Variants in SCN3A observed in about 807,000 individuals in gnomAD.
SCN3A encodes the protein sodium channel protein type 3 subunit alpha.
A neutral mutation model predicts 187.6 loss-of-function variants in SCN3A; 60 were observed. The observed-to-expected ratio is 0.32, with a 90% CI of 0.26 to 0.40. SCN3A has a LOEUF of 0.40. Ranked by LOEUF, SCN3A falls within the 10% of genes least tolerant of loss-of-function variation. The pLI, the probability that SCN3A is intolerant of heterozygous loss-of-function variation, is 1.00. For missense variants in SCN3A, 1,601 were observed against 2,428.2 expected (o/e 0.66, Z 7.16); for synonymous variants, 788 against 829.2 (o/e 0.95, Z 0.85).
intron 10 of SCN3A, among the ~76,000 whole-genome samples, chr2:165,155,364 CT>C (rs1688954065): frequency 6.6e-6 from 1 of 151,928 alleles, no homozygotes; most frequent in African/African-American, 2.4e-5. Context: ...CCTTCTCTCC[CT>C]TTCCCTTTCC....
At chr2:165,194,295 C>T (rs928715223) in intron 1 of SCN3A, among the ~76,000 whole-genome samples, 1 of 152,076 alleles carries the variant, frequency 6.6e-6, no homozygotes, top group South Asian at 2.1e-4. Context: ...TGTAGTACCT[C>T]TTTTATCACT....
intron 15 of SCN3A, among the ~76,000 whole-genome samples, chr2:165,132,873 A>G (rs1251829581): frequency 6.6e-6 from 1 of 152,210 alleles, no homozygotes; most frequent in Non-Finnish European, 1.5e-5. Context: ...AATTTTCGCA[A>G]CCTACTCATC....
intron 1 of SCN3A, among the ~76,000 whole-genome samples, chr2:165,201,305 C>T (rs1168452683): frequency 6.6e-6 from 1 of 152,016 alleles, no homozygotes; most frequent in African/African-American, 2.4e-5. Flanking sequence ...TCAGCAAGGG[C>T]ATCCTTCCAG....
chr2:165,156,030 G>A, intron 9 of SCN3A, 127 bp from the exon 10 acceptor site: 1 of 1,153,094 alleles, frequency 8.7e-7, no homozygotes, highest in East Asian at 2.4e-5. Flanking sequence ...TTAATTTCCA[G>A]AACACTTTAG....
chr2:165,191,412 C>A (rs1437891269), intron 1 of SCN3A, among the ~76,000 whole-genome samples: 1 of 152,112 alleles, frequency 6.6e-6, no homozygotes, highest in Admixed American at 6.6e-5. Context: ...TTACAATTGC[C>A]TAAAAGGCCT....
chr2:165,147,316 C>T (rs1688418728), intron 11 of SCN3A, among the ~76,000 whole-genome samples: 1 of 149,448 alleles, frequency 6.7e-6, no homozygotes, highest in Admixed American at 6.7e-5. Context: ...CTGTTCTCTT[C>T]AAAGTGTCTT....
In SCN3A at chr2:165,092,246, G is replaced by A; in HGVS notation, c.4807+8C>T. 6.2e-7 allele frequency: 1 copy of A among 1,613,462 alleles called. No individual in the cohort carries two copies. The highest frequency in any genetic ancestry group is 1.3e-5 in the African/African-American group (1 of 75,006). On this transcript the variant is annotated splice_region_variant and intron_variant, in intron 27 of 27. Coordinates refer to ENST00000283254, the MANE Select transcript of SCN3A (RefSeq NM_006922.4). This position sits in a 1 kb window ranked among gnomAD's most constrained non-coding sequence, Gnocchi z 4.2. ...AACTATACCTCTTGGTAATTAAGCT[G>A]TTCTTACCTACAATGGAGAGAATCA...
chr2:165,185,830 C>A (rs1691194006), intron 2 of SCN3A, among the ~76,000 whole-genome samples: 2 of 152,146 alleles, frequency 1.3e-5, no homozygotes, highest in Admixed American at 1.3e-4. Flanking sequence ...CAAGTACTCA[C>A]CACATATTTG....
chr2:165,130,303 T>C lies in SCN3A; in HGVS notation c.2566-7A>G, dbSNP rs1687234596. The C allele has an allele frequency of 6.2e-7, 1 of 1,613,558 alleles. No individual in the cohort carries two copies. Among genetic ancestry groups the C allele is most frequent in the Non-Finnish European group, 8.5e-7 (1 of 1,179,474 alleles). ...CCAACTTGAAAACTCTAAGCTGTAA[T>C]CAAGTGAAAAGATGCTGTTAGTAGT... is the stretch of plus-strand genomic sequence containing the variant. On this transcript the variant is annotated splice_polypyrimidine_tract_variant and splice_region_variant and intron_variant, in intron 16 of 27. Coordinates refer to ENST00000283254, the MANE Select transcript of SCN3A (RefSeq NM_006922.4).
intron 18 of SCN3A, among the ~76,000 whole-genome samples, chr2:165,126,047 T>C (rs1244764665): frequency 2.0e-5 from 3 of 152,210 alleles, no homozygotes; most frequent in African/African-American, 7.2e-5. Context: ...AGTTGTAAGA[T>C]TGTCAGCTAC....
intron 7 of SCN3A, among the ~76,000 whole-genome samples, chr2:165,163,370 G>A (rs1029497270): frequency 4.6e-5 from 7 of 152,174 alleles, no homozygotes; most frequent in African/African-American, 1.4e-4. Flanking sequence ...GAGAGAGAGC[G>A]CAAGAGGCCC....
chr2:165,125,882 G>A (rs973652859), intron 18 of SCN3A, among the ~76,000 whole-genome samples: 21 of 152,112 alleles, frequency 1.4e-4, no homozygotes, highest in African/African-American at 4.8e-4. Flanking sequence ...ATAAATTAGA[G>A]TTGAACTCAC....
At chr2:165,108,374 T>TA (rs1029471165) in intron 21 of SCN3A, among the ~76,000 whole-genome samples, 1 of 152,010 alleles carries the variant, frequency 6.6e-6, no homozygotes, top group Non-Finnish European at 1.5e-5. Flanking sequence ...TATGGTGGTT[T>TA]TGTTCACCTC....
At chr2:165,111,189 A>G (rs1310026806) in intron 21 of SCN3A, among the ~76,000 whole-genome samples, 4 of 152,054 alleles carry the variant, frequency 2.6e-5, no homozygotes, top group Non-Finnish European at 4.4e-5. Flanking sequence ...ACAAAAAATT[A>G]GCCAGGCATG....
At chr2:165,161,236 A>G (rs1689378703) in intron 9 of SCN3A, among the ~76,000 whole-genome samples, 1 of 135,614 alleles carries the variant, frequency 7.4e-6, no homozygotes, top group Non-Finnish European at 1.5e-5. Flanking sequence ...TGTCCATGTG[A>G]TAGTTCAAAT....
intron 22 of SCN3A, among the ~76,000 whole-genome samples, chr2:165,099,652 A>T (rs1409622642): frequency 6.6e-6 from 1 of 151,984 alleles, no homozygotes; most frequent in African/African-American, 2.4e-5. Flanking sequence ...GGGAGGCGGA[A>T]GTTGCAGTGA....
intron 9 of SCN3A, among the ~76,000 whole-genome samples, chr2:165,161,137 C>CTTTTTTTTTTTTTT (rs61608647): frequency 3.3e-3 from 304 of 93,382 alleles, no homozygotes; most frequent in Non-Finnish European, 4.7e-3. Flanking sequence ...TTCTTTCTTT[C>CTTTTTTTTTTTTTT]TTTTTTTTTT....
At chr2:165,200,477 T>G (rs1199579310) in intron 1 of SCN3A, among the ~76,000 whole-genome samples, 4 of 152,050 alleles carry the variant, frequency 2.6e-5, no homozygotes, top group African/African-American at 9.7e-5. Context: ...TATGGATGCT[T>G]TTAGTTATCA....
intron 23 of SCN3A, 50 bp from the exon 24 acceptor site, chr2:165,096,570 G>T: frequency 7.5e-7 from 1 of 1,329,082 alleles, no homozygotes; most frequent in South Asian, 1.2e-5. Flanking sequence ...ACCTAACAAT[G>T]ACATTTAACC....
Sources: allele counts gnomAD v4.1 joint callset (sites outside exome capture counted in the v4.1 genomes callset), GRCh38; gene constraint gnomAD v4.1.1; non-coding constraint Gnocchi (gnomAD v3.1); transcripts MANE v1.5; gene names NCBI Gene and HGNC (gene_info 2026-07-23, HGNC 2026-07-21).